The following FAT1 variants were observed in gnomAD, a reference collection of about 807,000 sequenced individuals.
The protein encoded by FAT1 is FAT atypical cadherin 1.
A neutral mutation model predicts 329.8 loss-of-function variants in FAT1; 171 were observed. The ratio of observed to expected loss-of-function variants is 0.52; its 90% CI spans 0.46 to 0.59. The LOEUF is 0.59. Ranked by LOEUF, FAT1 falls within the 20% of genes least tolerant of loss-of-function variation. The probability of loss-of-function intolerance (pLI) is 0.00; values close to 1 mark genes in which losing one functional copy is unlikely to be tolerated. For synonymous variants in FAT1, 2,233 were observed against 2,228.6 expected, an observed-to-expected ratio of 1.00 and a Z score of -0.06; for missense variants, 5,672 against 5,774.4, an observed-to-expected ratio of 0.98 and a Z score of 0.57.
chr4:186,610,006 A>C lies in FAT1; in HGVS notation c.9863T>G (p.Phe3288Cys), dbSNP rs1158357498. The change falls in exon 15 of 27, where the codon TTT becomes TGT. Residue 3288 changes from phenylalanine (F) to cysteine (C), a missense_variant. By Grantham distance (205) the Phe-to-Cys change is radical. Around this residue, in one of 2 missense-constraint regions of FAT1, gnomAD observed 1,706 missense variants for 1,859.1 expected, o/e 0.92. Coordinates refer to ENST00000441802, the MANE Select transcript of FAT1 (RefSeq NM_005245.4). ...CTCATAATCCAGATTCTCAATGATA[A>C]ATACGGCCCCTGAATAGAAATCAAA... ...FSIDSKTGAV[F>C]IIENLDYESS... is the part of the protein sequence containing the mutation. 1.2e-6 allele frequency: 2 copies of C among 1,607,240 alleles called. No individual in the cohort carries two copies. The highest frequency in any genetic ancestry group is 1.1e-5 in the South Asian group (1 of 90,810).
chr4:186,653,822 T>C (rs770976826), intron 3 of FAT1, among the ~76,000 whole-genome samples: 12 of 152,160 alleles, frequency 7.9e-5, no homozygotes, highest in Non-Finnish European at 1.3e-4. Context: ...TGACAGAGAC[T>C]GTATGGCCCA....
At position 186,604,396 on chromosome 4, in the gene FAT1, T is replaced by C; in HGVS notation, c.10529A>G (p.His3510Arg). 1 of 1,613,476 alleles carries C rather than the reference T, an allele frequency of 6.2e-7. No individual in the cohort carries two copies. The highest frequency in any genetic ancestry group is 8.5e-7 in the Non-Finnish European group (1 of 1,179,698). The change falls in exon 18 of 27, where the codon CAT (histidine) becomes CGT (arginine). Residue 3510 changes from histidine to arginine, a missense_variant. By Grantham distance (29) the His-to-Arg change is conservative. Transcript: ENST00000441802. ...SSAIKRKEKD[H>R]YLLQVKVADN... ...TCATACCTTCACCTGCAGTAAGTAATGATCTTTCTCCTTCCTCTTGATGGC... is the reference window on the plus strand; with the variant it reads ...TCATACCTTCACCTGCAGTAAGTAACGATCTTTCTCCTTCCTCTTGATGGC...
Position 186,639,755 on chromosome 4 carries a change from T to C in FAT1, c.3609A>G (p.Leu1203=). 6.2e-7 allele frequency: 1 copy of C among 1,613,290 alleles called. No homozygotes were observed. Among genetic ancestry groups the C allele is most frequent in the Non-Finnish European group, 8.5e-7 (1 of 1,179,492 alleles). ...TGTGTTCATCTTGCTGTTCTCGGTC[T>C]AGCTTCCTTGACGTAGTTGTGATGA... The part of the protein sequence containing the change: ...TGLITTTSRK[L]DREQQDEHIL... The change falls in exon 4 of 27, where the codon CTA becomes CTG. Residue 1203 remains leucine (L), a synonymous_variant. Coordinates refer to ENST00000441802, the MANE Select transcript of FAT1 (RefSeq NM_005245.4).
chr4:186,709,327 A>T lies in FAT1; in HGVS notation c.501T>A (p.Ser167Arg), dbSNP rs372156132. 3.1e-6 allele frequency: 5 copies of T among 1,613,864 alleles called. No homozygotes were observed. The highest frequency in any genetic ancestry group is 2.5e-6 in the Non-Finnish European group (3 of 1,179,892). Residue 167 changes from serine (S) to arginine (R), a missense_variant, in exon 2 of 27, where the codon AGT (serine) becomes AGA (arginine). Ser to Arg is a moderately radical substitution (Grantham distance 110). Around this residue, in one of 2 missense-constraint regions of FAT1, gnomAD observed 3,966 missense variants for 3,915.2 expected, o/e 1.01. Transcript: ENST00000441802. ...CATCCGTGGCGCTGACTCTTGCGAT[A>T]CTGGTCCTTATAGCTGTGTTTTCAG... ...SLPENTAIRT[S>R]IARVSATDAD...
Position 186,693,444 on chromosome 4 carries a change from G to A in FAT1, c.3265+13119C>T, listed in dbSNP as rs535007674. Among the ~76,000 whole-genome samples, 5 of 106,026 alleles carry A rather than the reference G, an allele frequency of 4.7e-5. 1 individual carries two copies. Among genetic ancestry groups the A allele is most frequent in the Non-Finnish European group, 7.6e-5 (4 of 52,316 alleles). The allele number at this position is 106,026 out of a possible 152,430, so 69.6% of individuals were successfully genotyped here. A position where few individuals can be genotyped will look rare whatever the true frequency, so the allele number is the denominator to read the frequency against. ...TGAGCCTTGGCCCAGCGGATTTGCTGCTTTCCTCGAGCACCCAGAACCCCG... is the reference window on the plus strand; with the variant it reads ...TGAGCCTTGGCCCAGCGGATTTGCTACTTTCCTCGAGCACCCAGAACCCCG... On this transcript the variant is annotated intron_variant, in intron 2 of 26. Coordinates refer to ENST00000441802, the MANE Select transcript of FAT1 (RefSeq NM_005245.4).
In FAT1 at chr4:186,686,210, T is replaced by G. The variant is rs536705030; in HGVS notation, c.3265+20353A>C. ...CCATGGTGCAGGAAGGCAGAAAGTT[T>G]GTGCACCATAATTATTTGAGAATTT... On this transcript the variant is annotated intron_variant, in intron 2 of 26. Transcript: ENST00000441802. Among the ~76,000 whole-genome samples the G allele has an allele frequency of 5.3e-5, 8 of 151,784 alleles. No homozygotes were observed. In the South Asian group the frequency reaches 1.7e-3, roughly 32 times the overall value.
chr4:186,657,477 G>T (rs1164316110), intron 3 of FAT1, among the ~76,000 whole-genome samples: 4 of 150,578 alleles, frequency 2.7e-5, no homozygotes, highest in African/African-American at 9.7e-5. Flanking sequence ...TTTGACTAGA[G>T]ATGGAGGTGG....
intron 14 of FAT1, 66 bp downstream of exon 14, chr4:186,611,320 G>A (rs765088340): frequency 9.7e-6 from 14 of 1,448,072 alleles, no homozygotes; most frequent in Middle Eastern, 2.1e-4. Flanking sequence ...ACAAGGCAAC[G>A]TGGTTAAGCA....
rs752236221 is a variant in FAT1 at position 186,596,739 on chromosome 4, A to C, written c.12801T>G (p.Asn4267Lys). ...ATCCTTCGAAGGAATTTCGGTCCAGATTGTTTCTTGAGTCACTTGGAATAC... is the reference window on the plus strand; with the variant it reads ...ATCCTTCGAAGGAATTTCGGTCCAGCTTGTTTCTTGAGTCACTTGGAATAC... Reference protein sequence around the residue: ...TPSIPSDSRNNLDRNSFEGSA... With the variant: ...TPSIPSDSRNKLDRNSFEGSA... Residue 4267 changes from asparagine (N) to lysine (K), a missense_variant, in exon 25 of 27, where the codon AAT becomes AAG. Physicochemically the swap from Asn to Lys is moderately conservative, Grantham distance 94. Transcript: ENST00000441802. This position sits in a 1 kb window ranked among gnomAD's most constrained non-coding sequence, Gnocchi z 4.7. The C allele has an allele frequency of 2.2e-5, 35 of 1,613,802 alleles. No individual in the cohort carries two copies. Among genetic ancestry groups the C allele is most frequent in the Non-Finnish European group, 2.9e-5 (34 of 1,179,884 alleles).
chr4:186,716,540 G>A (rs904850734), intron 1 of FAT1, among the ~76,000 whole-genome samples: 1 of 151,732 alleles, frequency 6.6e-6, no homozygotes, highest in African/African-American at 2.4e-5. Flanking sequence ...TGATCCTCCC[G>A]CCTCCGCCTC....
chr4:186,700,670 A>C (rs553837059), intron 2 of FAT1, among the ~76,000 whole-genome samples: 1 of 152,310 alleles, frequency 6.6e-6, no homozygotes, highest in African/African-American at 2.4e-5. Flanking sequence ...AAAGAGTAAG[A>C]GGAGTAAAAT....
At chr4:186,627,830 G>A (rs961311535) in intron 9 of FAT1, among the ~76,000 whole-genome samples, 3 of 152,148 alleles carry the variant, frequency 2.0e-5, no homozygotes, top group African/African-American at 7.2e-5. Context: ...TTTAACCAAT[G>A]TTACAGAAGA....
Position 186,603,030 on chromosome 4 carries a change from TCCCTCTTCATTCAA to T in FAT1, c.11351-10_11354del. On this transcript the variant is annotated splice_acceptor_variant and splice_polypyrimidine_tract_variant and coding_sequence_variant and intron_variant, in exon 20 of 27. Coordinates refer to ENST00000441802, the MANE Select transcript of FAT1 (RefSeq NM_005245.4). LOFTEE classifies it high-confidence loss of function. The stretch of plus-strand genomic sequence containing the variant: ...AGCCATGGTGGACAGGTGGGCACCT[TCCCTCTTCATTCAA>T]AGAGGGGAGAAAGGGAAAAGATAAT... 1 of 1,613,814 alleles carries T rather than the reference TCCCTCTTCATTCAA, an allele frequency of 6.2e-7. No homozygotes were observed. The highest frequency in any genetic ancestry group is 8.5e-7 in the Non-Finnish European group (1 of 1,179,836).
rs1738801486 is a variant in FAT1, at chr4:186,601,269, C to A, written c.11640G>T (p.Glu3880Asp). The A allele has an allele frequency of 1.3e-6, 2 of 1,576,606 alleles. No homozygotes were observed. The highest frequency in any genetic ancestry group is 2.3e-5 in the South Asian group (2 of 87,444). Residue 3880 changes from glutamate to aspartate, a missense_variant and splice_region_variant, in exon 21 of 27, where the codon GAG (glutamate) becomes GAT (aspartate). Physicochemically the swap from Glu to Asp is conservative, Grantham distance 45 (BLOSUM62 2). Transcript: ENST00000441802. ...YARGTDYSIL[E>D]IHHGRLQYKF... ...GATGCAACGCTGTGGAGAAACATACCTCCAAGATGCTATAGTCAGTTCCTC... is the reference window on the plus strand; with the variant it reads ...GATGCAACGCTGTGGAGAAACATACATCCAAGATGCTATAGTCAGTTCCTC...
At position 186,619,927 on chromosome 4, in the gene FAT1, T is replaced by C. The variant is rs757038952; in HGVS notation, c.6659A>G (p.Asp2220Gly). The change falls in exon 10 of 27, where the codon GAC becomes GGC. Residue 2220 changes from aspartate to glycine, a missense_variant. Around this residue, in one of 2 missense-constraint regions of FAT1, gnomAD observed 3,966 missense variants for 3,915.2 expected, o/e 1.01. Transcript: ENST00000441802. ...AGTGAACTGGCTGAAAGGGTCTCCG[T>C]CTGTGATGCTGTAGAACACTTTCAG... is the stretch of plus-strand genomic sequence containing the variant. ...EGLKVFYSIT[D>G]GDPFSQFTIN... is the part of the protein sequence containing the mutation. 55 of 1,613,868 alleles carry C rather than the reference T, an allele frequency of 3.4e-5. No homozygotes were observed. The highest frequency in any genetic ancestry group is 4.2e-5 in the Non-Finnish European group (50 of 1,179,894).
At chr4:186,699,562 G>A (rs1744201737) in intron 2 of FAT1, among the ~76,000 whole-genome samples, 1 of 152,196 alleles carries the variant, frequency 6.6e-6, no homozygotes, top group Non-Finnish European at 1.5e-5. Context: ...AACAAGTACA[G>A]GCATGTGCCC....
At chr4:186,672,322 G>A (rs1301312512) in intron 2 of FAT1, among the ~76,000 whole-genome samples, 2 of 152,216 alleles carry the variant, frequency 1.3e-5, no homozygotes, top group East Asian at 1.9e-4. Flanking sequence ...AGCATCCCTC[G>A]TGGGCCAATC....
chr4:186,637,075 G>T (rs1047029542), intron 4 of FAT1, among the ~76,000 whole-genome samples, 161 bp from the exon 5 acceptor site: 1 of 152,200 alleles, frequency 6.6e-6, no homozygotes, highest in Non-Finnish European at 1.5e-5. Flanking sequence ...AGGGCTGTAA[G>T]GAGGTGAGGC....
upstream of FAT1, among the ~76,000 whole-genome samples, chr4:186,725,821 C>G (rs1242317437): frequency 1.3e-5 from 2 of 152,208 alleles, no homozygotes. This position sits in a 1 kb window ranked among gnomAD's most constrained non-coding sequence, Gnocchi z 5.4. Flanking sequence ...AGAAACAAAA[C>G]GCTTTCCTCC....
Sources: gnomAD v4.1 joint callset for allele counts (sites outside exome capture counted in the v4.1 genomes callset) on GRCh38, gnomAD v4.1.1 for gene constraint, gnomAD v4.1.1 regional missense constraint, Gnocchi (gnomAD v3.1) non-coding constraint, MANE v1.5 for transcripts, NCBI Gene and HGNC (gene_info 2026-07-23, HGNC 2026-07-21) for gene names.